SMG5: variants seen among roughly 807,000 people sequenced by gnomAD.
SMG5 encodes nonsense-mediated mRNA decay factor SMG5.
SMG5 carries 53 observed loss-of-function variants against 122.9 expected under a neutral mutation model. The ratio of observed to expected loss-of-function variants is 0.43; its 90% CI spans 0.35 to 0.54. The LOEUF is 0.54. Among genes scored for constraint, SMG5 ranks in the 20% least tolerant of loss-of-function variants. The pLI is 0.01. For missense variants in SMG5, 1,153 were observed against 1,285.6 expected, an observed-to-expected ratio of 0.90 and a Z score of 1.58; for synonymous variants, 477 against 490.2, an observed-to-expected ratio of 0.97 and a Z score of 0.35.
At chr1:156,254,864 C>G (rs1432063594) in intron 16 of SMG5, among the ~76,000 whole-genome samples, 1 of 150,080 alleles carries the variant, frequency 6.7e-6, no homozygotes, top group African/African-American at 2.4e-5. Flanking sequence ...CTAAGGCAGG[C>G]GGATCACCTA....
rs1414326178 is a variant in SMG5, at chr1:156,267,603, G to A, written c.984C>T (p.Pro328=). 2.5e-6 allele frequency: 4 copies of A among 1,613,958 alleles called. No homozygotes were observed. Among genetic ancestry groups the A allele is most frequent in the East Asian group, 4.5e-5 (2 of 44,862 alleles). The change falls in exon 10 of 22, where the codon CCC becomes CCT. Residue 328 remains proline (P), a synonymous_variant. Transcript: ENST00000361813. ...TGGCCAGGCTGAGGTTGGGTGAGGA[G>A]GGCAGGTAGAAGAGGCAGAGGTTGA... is the stretch of plus-strand genomic sequence containing the variant. The part of the protein sequence containing the change: ...EDFNLCLFYL[P]SSPNLSLASE...
intron 12 of SMG5, among the ~76,000 whole-genome samples, chr1:156,264,580 C>T (rs1662029338): frequency 6.6e-6 from 1 of 152,110 alleles, no homozygotes; most frequent in Admixed American, 6.6e-5. Flanking sequence ...TGCAGGAGGC[C>T]ACAAGAAGCA....
the SMG5 span, chr1:156,290,952 C>T: frequency 5.7e-6 from 1 of 175,848 alleles, no homozygotes; most frequent in Non-Finnish European, 1.2e-5. Flanking sequence ...AGATATTTTA[C>T]TATACTCATT....
At chr1:156,283,188 C>T (rs922177425), upstream of SMG5, 5 of 222,530 alleles carry the variant, frequency 2.2e-5, no homozygotes, top group African/African-American at 1.1e-4. Flanking sequence ...TAGAGTGACT[C>T]CAGCTTTCCC....
In SMG5 at chr1:156,272,329, T is replaced by G; in HGVS notation, c.704A>C (p.Tyr235Ser). ...GCTGGCAAATACTCACCAGCGCAGG[T>G]AGCAATACATGGCTTCCACATTATA... is the stretch of plus-strand genomic sequence containing the variant. ...KYYNVEAMYC[Y>S]LRCIQSEVSF... Residue 235 changes from tyrosine to serine, a missense_variant, in exon 7 of 22, where the codon TAC becomes TCC. Coordinates refer to ENST00000361813, the MANE Select transcript of SMG5 (RefSeq NM_015327.3). The G allele has an allele frequency of 6.3e-7, 1 of 1,595,776 alleles. No homozygotes were observed. Among genetic ancestry groups the G allele is most frequent in the Non-Finnish European group, 8.6e-7 (1 of 1,169,090 alleles).
chr1:156,251,293 C>A, intron 20 of SMG5, 110 bp downstream of exon 20: 4 of 1,305,628 alleles, frequency 3.1e-6, no homozygotes, highest in Non-Finnish European at 4.4e-6. Context: ...CCCTGGCAGG[C>A]TACGTGTGGA....
chr1:156,252,578 C>A, intron 18 of SMG5, 74 bp from the exon 19 acceptor site: 1 of 1,463,668 alleles, frequency 6.8e-7, no homozygotes, highest in South Asian at 1.2e-5. Flanking sequence ...GAGGAAGTAT[C>A]TGAGCTCACC....
Position 156,250,362 on chromosome 1 carries a change from T to C in SMG5, c.*225A>G. ...TGGCCAGGGGCCCACAAGACTCTCC[T>C]AATCCAAGCACTTTCCTCGCTTTCC... is the stretch of plus-strand genomic sequence containing the variant. On this transcript the variant is annotated 3_prime_UTR_variant, in exon 22 of 22. Transcript: ENST00000361813. 1.8e-6 allele frequency: 1 copy of C among 557,520 alleles called. No individual in the cohort carries two copies. The highest frequency in any genetic ancestry group is 3.2e-6 in the Non-Finnish European group (1 of 309,326). The allele number at this position is 557,520 out of a possible 1,614,324, so 34.5% of individuals were successfully genotyped here.
At chr1:156,253,265 G>A (rs75854315) in intron 17 of SMG5, among the ~76,000 whole-genome samples, 184 bp downstream of exon 17, 6,144 of 152,258 alleles carry the variant, frequency 0.04, 163 homozygotes, top group Non-Finnish European at 0.062. Flanking sequence ...AGACAGAAAT[G>A]AAGGCAGAAA....
Position 156,251,397 on chromosome 1 carries a change from T to C in SMG5, c.2828+6A>G, listed in dbSNP as rs745334647. ...GAGGTTCTAGGGGTGAGGGCTAAAA[T>C]GTTACCAGGCATCTGCATCCTGCCT... On this transcript the variant is annotated splice_donor_region_variant and intron_variant, in intron 20 of 21. Transcript: ENST00000361813. 1.9e-6 allele frequency: 3 copies of C among 1,614,162 alleles called. No homozygotes were observed. The highest frequency in any genetic ancestry group is 1.1e-5 in the South Asian group (1 of 91,090).
chr1:156,272,860 C>T (rs748736254), intron 6 of SMG5, among the ~76,000 whole-genome samples: 5 of 152,160 alleles, frequency 3.3e-5, no homozygotes, highest in Middle Eastern at 3.4e-3. Context: ...CCACCGCGCC[C>T]GGCCTACTGA....
intron 12 of SMG5, among the ~76,000 whole-genome samples, chr1:156,264,267 C>CA (rs1205363773): frequency 0.02 from 1,085 of 53,934 alleles, 241 homozygotes; most frequent in African/African-American, 0.051. Context: ...GACTCCGTCT[C>CA]AAAAAAAAAA....
chr1:156,253,468 A>T lies in SMG5; in HGVS notation c.2483T>A (p.Met828Lys). The part of the protein sequence containing the change: ...EARRNRLMRD[M>K]AQLRLQLEVS... ...TCCTACCTGAAGTCGTAGCTGAGCCATGTCTCTCATGAGCCTGTTCCGACG... is the reference window on the plus strand; with the variant it reads ...TCCTACCTGAAGTCGTAGCTGAGCCTTGTCTCTCATGAGCCTGTTCCGACG... Residue 828 changes from methionine (M) to lysine (K), a missense_variant, in exon 17 of 22, where the codon ATG becomes AAG. This residue lies in a region of SMG5 where 140 missense variants were observed against 227.8 expected (regional missense o/e 0.61). Transcript: ENST00000361813. The T allele has an allele frequency of 6.2e-7, 1 of 1,614,094 alleles. No homozygotes were observed. Among genetic ancestry groups the T allele is most frequent in the Non-Finnish European group, 8.5e-7 (1 of 1,180,010 alleles).
At chr1:156,253,356 G>C (rs754975430) in intron 17 of SMG5, 93 bp downstream of exon 17, 252 of 1,302,016 alleles carry the variant, frequency 1.9e-4, no homozygotes, top group Middle Eastern at 1.7e-3. Flanking sequence ...CAACAGAGCA[G>C]GGGGACTACA....
chr1:156,289,816 C>T, the SMG5 span, among the ~76,000 whole-genome samples: 1 of 152,324 alleles, frequency 6.6e-6, no homozygotes, highest in South Asian at 2.1e-4. Context: ...GCTCTCCCCT[C>T]CCTCCATTGA....
At chr1:156,290,884 A>G in the SMG5 span, 2 of 115,546 alleles carry the variant, frequency 1.7e-5, no homozygotes, top group Admixed American at 1.1e-4. Flanking sequence ...AGAAACCATA[A>G]TATTGATGCC....
chr1:156,271,981 A>G (rs1662458452), intron 7 of SMG5, among the ~76,000 whole-genome samples: 1 of 152,200 alleles, frequency 6.6e-6, no homozygotes, highest in Non-Finnish European at 1.5e-5. Flanking sequence ...ATATTACCAC[A>G]TTAACACACT....
At chr1:156,259,302 T>C (rs1661714168) in intron 15 of SMG5, 139 bp from the exon 16 acceptor site, 2 of 894,980 alleles carry the variant, frequency 2.2e-6, no homozygotes, top group South Asian at 2.0e-5. Flanking sequence ...AGGGGAAGAT[T>C]TGTGGTCTAT....
chr1:156,250,738 C>T lies in SMG5; in HGVS notation c.2968-68G>A, dbSNP rs1661309794. On this transcript the variant is annotated intron_variant, in intron 21 of 21. Transcript: ENST00000361813. ...TGAACTGAAGAGCAAATTGTTGAGG[C>T]GCTGGGGAAGGAGTGATGGAAGAGA... 6.2e-6 allele frequency: 10 copies of T among 1,601,676 alleles called. No homozygotes were observed. In the East Asian group the frequency reaches 1.3e-4, roughly 21 times the overall value.
Sources: allele counts gnomAD v4.1 joint callset (sites outside exome capture counted in the v4.1 genomes callset), GRCh38; gene constraint gnomAD v4.1.1; regional missense constraint gnomAD v4.1.1; transcripts MANE v1.5; gene names NCBI Gene and HGNC (gene_info 2026-07-23, HGNC 2026-07-21).